Variants in PTPN12 observed in about 807,000 individuals in gnomAD.
The protein encoded by PTPN12 is tyrosine-protein phosphatase non-receptor type 12.
Under a neutral mutation model 97.6 loss-of-function variants are expected in PTPN12, and 29 were observed. That is an observed-to-expected ratio of 0.30 (90% CI 0.22 to 0.41). The LOEUF (loss-of-function observed/expected upper bound fraction) is 0.41, where lower values mean the gene tolerates loss of function less well. PTPN12 is among the 10% of genes least tolerant of loss of function. The pLI, the probability that PTPN12 is intolerant of heterozygous loss-of-function variation, is 1.00. For missense variants in PTPN12, 819 were observed against 926.0 expected, an observed-to-expected ratio of 0.88 and a Z score of 1.50; for synonymous variants, 327 against 300.4, an observed-to-expected ratio of 1.09 and a Z score of -0.91.
At position 77,601,033 on chromosome 7, in the gene PTPN12, G is replaced by T. The variant is rs1788172638; in HGVS notation, c.695+227G>T. On this transcript the variant is annotated intron_variant, in intron 8 of 17. Transcript: ENST00000248594. ...TCTATTTGAAAATAGTATTCACATG[G>T]TGGGAAGCTATAGAACATACTCTTT... 6.6e-6 allele frequency: 3 copies of T among 453,926 alleles called. No homozygotes were observed. The South Asian group carries it at 9.4e-5, about 14-fold the overall frequency. The allele number at this position is 453,926 out of a possible 1,614,324, so 28.1% of individuals were successfully genotyped here.
At chr7:77,541,528 A>G (rs1218122628) in intron 1 of PTPN12, among the ~76,000 whole-genome samples, 1 of 152,236 alleles carries the variant, frequency 6.6e-6, no homozygotes, top group Non-Finnish European at 1.5e-5. Context: ...CTGTTGCATA[A>G]GATAGCTTCC....
At position 77,639,553 on chromosome 7, in the gene PTPN12, T is replaced by C. The variant is rs1789725203; in HGVS notation, c.*273T>C. ...ACATGTTAATATAGTAATACCTTTA[T>C]GATATATTGAGTTTAAGGACTACTC... On this transcript the variant is annotated 3_prime_UTR_variant, in exon 18 of 18. Transcript: ENST00000248594. 1 of 344,912 alleles carries C rather than the reference T, an allele frequency of 2.9e-6. No homozygotes were observed. Among genetic ancestry groups the C allele is most frequent in the Non-Finnish European group, 5.2e-6 (1 of 191,086 alleles). 21.4% of individuals were successfully genotyped at this position (344,912 alleles called of 1,614,324 possible). A position where few individuals can be genotyped will look rare whatever the true frequency, so the allele number is the denominator to read the frequency against.
chr7:77,553,012 A>G (rs919824666), intron 1 of PTPN12, among the ~76,000 whole-genome samples: 3 of 152,128 alleles, frequency 2.0e-5, no homozygotes, highest in African/African-American at 7.2e-5. Flanking sequence ...TCTCTTTTGG[A>G]CCTTTTTGGT....
At chr7:77,576,622 G>A (rs1488920834) in intron 2 of PTPN12, among the ~76,000 whole-genome samples, 1 of 152,112 alleles carries the variant, frequency 6.6e-6, no homozygotes, top group African/African-American at 2.4e-5. Context: ...ACTTGAACCT[G>A]GGAGGCAGAG....
intron 3 of PTPN12, among the ~76,000 whole-genome samples, chr7:77,582,084 C>CTTTTTTTTTTTTTTTTTTTTTTTTTT (rs11341609): frequency 1.9e-5 from 1 of 52,846 alleles, no homozygotes; most frequent in Non-Finnish European, 3.3e-5. Flanking sequence ...CAGTCAAGTT[C>CTTTTTTTTTTTTTTTTTTTTTTTTTT]TTTTTTTTTT....
At chr7:77,626,547 C>A (rs56052251) in intron 12 of PTPN12, among the ~76,000 whole-genome samples, 158 bp from the exon 13 acceptor site, 36,673 of 152,076 alleles carry the variant, frequency 0.24, 4,648 homozygotes, top group Non-Finnish European at 0.28. Flanking sequence ...ATGTGTATTA[C>A]CTTGATGAAC....
intron 7 of PTPN12, among the ~76,000 whole-genome samples, chr7:77,599,574 G>A (rs995471106): frequency 1.3e-5 from 2 of 152,156 alleles, no homozygotes; most frequent in African/African-American, 4.8e-5. Flanking sequence ...GATTACAGAT[G>A]TGAGCCACTG....
intron 1 of PTPN12, among the ~76,000 whole-genome samples, chr7:77,540,167 G>A (rs191691998): frequency 1.3e-3 from 197 of 152,224 alleles, no homozygotes; most frequent in Non-Finnish European, 2.2e-3. Flanking sequence ...TGGAGAAGTG[G>A]CCTTAGGGTT....
chr7:77,602,108 T>A (rs555725476), intron 8 of PTPN12, among the ~76,000 whole-genome samples: 1 of 152,212 alleles, frequency 6.6e-6, no homozygotes, highest in East Asian at 1.9e-4. Flanking sequence ...TAAGAAATCA[T>A]GTAAACTCTT....
At position 77,627,807 on chromosome 7, in the gene PTPN12, G is replaced by C. The variant is rs778223690; in HGVS notation, c.1996+132G>C. The C allele has an allele frequency of 4.2e-4, 366 of 865,134 alleles. 3 individuals are homozygous for C. The highest frequency in any genetic ancestry group is 5.0e-4 in the Admixed American group (14 of 28,054). 53.6% of individuals were successfully genotyped at this position (865,134 alleles called of 1,614,324 possible). ...AGAACCTACAGCAAAATCTGTCTTAGATACTAATTTTTTAATATAAGCTTT... is the reference window on the plus strand; with the variant it reads ...AGAACCTACAGCAAAATCTGTCTTACATACTAATTTTTTAATATAAGCTTT... On this transcript the variant is annotated intron_variant, in intron 13 of 17. Coordinates refer to ENST00000248594, the MANE Select transcript of PTPN12 (RefSeq NM_002835.4).
intron 15 of PTPN12, among the ~76,000 whole-genome samples, chr7:77,636,360 T>C (rs1181677014): frequency 6.6e-6 from 1 of 151,936 alleles, no homozygotes; most frequent in African/African-American, 2.4e-5. Context: ...AGCAGAAGGA[T>C]CACTTGAGCC....
chr7:77,552,869 G>T (rs1807542289), intron 1 of PTPN12, among the ~76,000 whole-genome samples: 1 of 152,114 alleles, frequency 6.6e-6, no homozygotes, highest in Non-Finnish European at 1.5e-5. Flanking sequence ...CGTTAAAACA[G>T]AAATAGTTTG....
rs1159360706 is a variant in PTPN12 at position 77,628,582 on chromosome 7, T to C, written c.1996+907T>C. 6.6e-5 allele frequency among the ~76,000 whole-genome samples: 10 copies of C among 151,984 alleles called. No individual in the cohort carries two copies. The South Asian group carries it at 2.1e-3, about 32-fold the overall frequency. On this transcript the variant is annotated intron_variant, in intron 13 of 17. Coordinates refer to ENST00000248594, the MANE Select transcript of PTPN12 (RefSeq NM_002835.4). ...AAGATTTTTTTTTTTTTTTGAGACT[T>C]GCACTCAAAAGATTTTTTTTTTGAG... is the stretch of plus-strand genomic sequence containing the variant.
At chr7:77,620,830 T>C (rs1788908138) in intron 12 of PTPN12, among the ~76,000 whole-genome samples, 2 of 152,234 alleles carry the variant, frequency 1.3e-5, no homozygotes, top group African/African-American at 4.8e-5. Context: ...CGCCTGCAGT[T>C]CCAGCTACTT....
intron 16 of PTPN12, among the ~76,000 whole-genome samples, chr7:77,637,633 A>T (rs1789640538): frequency 6.6e-6 from 1 of 151,988 alleles, no homozygotes; most frequent in African/African-American, 2.4e-5. Context: ...CAGGCAGGCA[A>T]TCACCTGAGG....
rs183811433 is a variant in PTPN12 at position 77,626,852 on chromosome 7, A to G, written c.1173A>G (p.Pro391=). Residue 391 remains proline (P), a synonymous_variant, in exon 13 of 18, where the codon CCA becomes CCG. Transcript: ENST00000248594. ...WQDNDRYHPK[P]VLHMVSSEQH... Reference sequence around the variant, plus strand: ...ACAATGATAGATACCATCCAAAGCCAGTGTTGCATATGGTTTCATCAGAAC... The same window carrying G: ...ACAATGATAGATACCATCCAAAGCCGGTGTTGCATATGGTTTCATCAGAAC... 1.6e-4 allele frequency: 264 copies of G among 1,613,916 alleles called. 2 individuals are homozygous for G. The East Asian group carries it at 5.5e-3, about 34-fold the overall frequency.
intron 5 of PTPN12, among the ~76,000 whole-genome samples, chr7:77,587,344 G>C (rs1267161867): frequency 6.6e-6 from 1 of 152,016 alleles, no homozygotes; most frequent in Non-Finnish European, 1.5e-5. Flanking sequence ...CAGAGCTTTT[G>C]GGTGACCAGG....
chr7:77,565,445 C>T (rs1344702920), intron 1 of PTPN12, among the ~76,000 whole-genome samples: 3 of 152,192 alleles, frequency 2.0e-5, no homozygotes, highest in African/African-American at 7.2e-5. Flanking sequence ...GCTTGAACTA[C>T]TGTTGAATGG....
At chr7:77,581,320 G>T in intron 2 of PTPN12, 107 bp from the exon 3 acceptor site, 1 of 588,520 alleles carries the variant, frequency 1.7e-6, no homozygotes. Flanking sequence ...TTCATCCATT[G>T]TTTTTTAAAA....
Sources: gnomAD v4.1 joint callset for allele counts (sites outside exome capture counted in the v4.1 genomes callset) on GRCh38, gnomAD v4.1.1 for gene constraint, MANE v1.5 for transcripts, NCBI Gene and HGNC (gene_info 2026-07-23, HGNC 2026-07-21) for gene names.